NIPBL: variants seen among roughly 807,000 people sequenced by gnomAD.
NIPBL encodes the protein nipped-B-like protein.
A neutral mutation model predicts 321.8 loss-of-function variants in NIPBL; 19 were observed. The ratio of observed to expected loss-of-function variants is 0.06; its 90% CI spans 0.04 to 0.09. The LOEUF (loss-of-function observed/expected upper bound fraction) is 0.09. Ranked by LOEUF, NIPBL falls within the 10% of genes least tolerant of loss-of-function variation. The pLI, the probability that NIPBL is intolerant of heterozygous loss-of-function variation, is 1.00. For synonymous variants in NIPBL, 1,106 were observed against 1,114.1 expected (o/e 0.99, Z 0.14); for missense variants, 2,210 against 3,327.0 (o/e 0.66, Z 8.26).
intron 8 of NIPBL, among the ~76,000 whole-genome samples, chr5:36,972,751 A>T (rs1743005255): frequency 6.6e-6 from 1 of 152,142 alleles, no homozygotes; most frequent in South Asian, 2.1e-4. Flanking sequence ...GTAACTTAAA[A>T]ATTTTAAGTT....
intron 20 of NIPBL, among the ~76,000 whole-genome samples, chr5:37,009,832 A>G (rs1016908572): frequency 1.3e-5 from 2 of 152,232 alleles, no homozygotes; most frequent in Non-Finnish European, 2.9e-5. Context: ...TTTATCTGCA[A>G]TGTATGTAAA....
At chr5:36,967,572 G>GTCAC (rs1310661985) in intron 6 of NIPBL, among the ~76,000 whole-genome samples, 1 of 152,134 alleles carries the variant, frequency 6.6e-6, no homozygotes, top group Non-Finnish European at 1.5e-5. Flanking sequence ...GGTGAAGTGA[G>GTCAC]GGGAGTATGA....
At chr5:37,046,289 T>G (rs1752973425) in intron 38 of NIPBL, 90 bp downstream of exon 38, 1 of 795,000 alleles carries the variant, frequency 1.3e-6, no homozygotes, top group Non-Finnish European at 2.2e-6. Context: ...TGATTTACTT[T>G]AATATGTTTC....
chr5:36,959,015 G>A (rs1741299491), intron 4 of NIPBL, among the ~76,000 whole-genome samples: 1 of 152,052 alleles, frequency 6.6e-6, no homozygotes, highest in South Asian at 2.1e-4. Flanking sequence ...AGACCAGCCT[G>A]GGCAACATGG....
chr5:36,933,373 A>G (rs551693433), intron 1 of NIPBL, among the ~76,000 whole-genome samples: 1 of 152,156 alleles, frequency 6.6e-6, no homozygotes, highest in Non-Finnish European at 1.5e-5. Context: ...CTGTTTGGTC[A>G]AAAGGGTCTG....
Position 37,020,833 on chromosome 5 carries a change from T to A in NIPBL, c.5284T>A (p.Ser1762Thr). 1 of 1,614,102 alleles carries A rather than the reference T, an allele frequency of 6.2e-7. No homozygotes were observed. Among genetic ancestry groups the A allele is most frequent in the Non-Finnish European group, 8.5e-7 (1 of 1,179,914 alleles). Reference sequence around the variant, plus strand: ...TTGCTTGATTGTTCGATACTTGGCCTCCATGAGGCCGTTTGCCCAGAGCTT... The same window carrying A: ...TTGCTTGATTGTTCGATACTTGGCCACCATGAGGCCGTTTGCCCAGAGCTT... ...DACLIVRYLA[S>T]MRPFAQSFDI... The change falls in exon 27 of 47, where the codon TCC becomes ACC. Residue 1762 changes from serine to threonine, a missense_variant. Transcript: ENST00000282516.
intron 1 of NIPBL, among the ~76,000 whole-genome samples, chr5:36,899,463 C>T (rs918384866): frequency 1.3e-5 from 2 of 152,146 alleles, no homozygotes; most frequent in African/African-American, 4.8e-5. Context: ...TTGGGAATCT[C>T]ATATTCAGTG....
intron 19 of NIPBL, 90 bp from the exon 20 acceptor site, chr5:37,008,533 A>G (rs1747709932): frequency 1.3e-6 from 1 of 745,664 alleles, no homozygotes; most frequent in Non-Finnish European, 2.4e-6. Context: ...TTCATTCTAA[A>G]TGGCAGGTAA....
intron 23 of NIPBL, among the ~76,000 whole-genome samples, chr5:37,016,481 A>C (rs1749013433): frequency 6.6e-6 from 1 of 152,136 alleles, no homozygotes; most frequent in Admixed American, 6.5e-5. Flanking sequence ...CAAAGCAAGA[A>C]AATGATTAAT....
chr5:36,991,373 ACAGT>A (rs1330673445), intron 10 of NIPBL, among the ~76,000 whole-genome samples: 1 of 152,180 alleles, frequency 6.6e-6, no homozygotes, highest in Admixed American at 6.5e-5. Context: ...AAAGGAAAGT[ACAGT>A]CATTCAATTT....
intron 32 of NIPBL, among the ~76,000 whole-genome samples, chr5:37,035,751 C>T (rs1234066911): frequency 1.3e-5 from 2 of 152,100 alleles, no homozygotes; most frequent in Admixed American, 1.3e-4. Flanking sequence ...CCTTCAATAT[C>T]CCCAGAATTA....
chr5:36,930,543 T>G (rs556040290), intron 1 of NIPBL, among the ~76,000 whole-genome samples: 1 of 152,236 alleles, frequency 6.6e-6, no homozygotes, highest in South Asian at 2.1e-4. Flanking sequence ...AATATCTTTT[T>G]AAGTTTTTTT....
At chr5:37,047,437 A>G (rs1225310631) in intron 38 of NIPBL, among the ~76,000 whole-genome samples, 1 of 152,222 alleles carries the variant, frequency 6.6e-6, no homozygotes, top group Non-Finnish European at 1.5e-5. Flanking sequence ...AAACCTTATC[A>G]TTTTATTCCT....
intron 25 of NIPBL, among the ~76,000 whole-genome samples, chr5:37,020,073 T>G (rs1207034173): frequency 1.3e-5 from 2 of 152,192 alleles, no homozygotes; most frequent in Non-Finnish European, 2.9e-5. Flanking sequence ...AGGCAAAATT[T>G]GAAAACAGAT....
chr5:36,937,958 C>T (rs1738628853), intron 1 of NIPBL, among the ~76,000 whole-genome samples: 1 of 152,104 alleles, frequency 6.6e-6, no homozygotes, highest in Non-Finnish European at 1.5e-5. Flanking sequence ...AGCTCCCATC[C>T]CTGAAAACCT....
intron 1 of NIPBL, chr5:36,885,808 C>G (rs1387584441): frequency 7.7e-6 from 5 of 646,052 alleles, no homozygotes; most frequent in Non-Finnish European, 1.1e-5. Flanking sequence ...TAGAGACAGA[C>G]ATCGAGGCTC....
intron 1 of NIPBL, among the ~76,000 whole-genome samples, chr5:36,920,792 T>C (rs943290886): frequency 3.3e-5 from 5 of 152,208 alleles, no homozygotes; most frequent in Middle Eastern, 3.4e-3. Context: ...AACCTGTATC[T>C]GTCACCTTAC....
intron 32 of NIPBL, 98 bp downstream of exon 32, chr5:37,027,510 C>CT: frequency 1.3e-6 from 1 of 798,320 alleles, no homozygotes; most frequent in Non-Finnish European, 2.1e-6. Context: ...TTAAAAGAAC[C>CT]TTTTTAGTTC....
At chr5:36,937,317 G>T (rs998420973) in intron 1 of NIPBL, among the ~76,000 whole-genome samples, 1 of 152,032 alleles carries the variant, frequency 6.6e-6, no homozygotes, top group African/African-American at 2.4e-5. Context: ...TGCTCTTAAT[G>T]ACCTTCAGCC....
Sources: gnomAD v4.1 joint callset for allele counts (sites outside exome capture counted in the v4.1 genomes callset) on GRCh38, gnomAD v4.1.1 for gene constraint, MANE v1.5 for transcripts, NCBI Gene and HGNC (gene_info 2026-07-23, HGNC 2026-07-21) for gene names.